DNAH3: variants seen among roughly 807,000 people sequenced by gnomAD.
The protein encoded by DNAH3 is axonemal beta dynein heavy chain 3.
Under a neutral mutation model 432.5 loss-of-function variants are expected in DNAH3, and 332 were observed. That is an observed-to-expected ratio of 0.77 (90% confidence interval 0.70 to 0.84). The LOEUF (loss-of-function observed/expected upper bound fraction) is 0.84, where lower values mean the gene tolerates loss of function less well. DNAH3 is among the 40% of genes least tolerant of loss of function. DNAH3 has a pLI of 0.00. For synonymous variants in DNAH3, 1,956 were observed against 1,900.2 expected, an observed-to-expected ratio of 1.03 and a Z score of -0.76; for missense variants, 4,861 against 5,114.0, an observed-to-expected ratio of 0.95 and a Z score of 1.51.
intron 1 of DNAH3, among the ~76,000 whole-genome samples, chr16:21,157,959 T>G (rs2092910883): frequency 6.6e-6 from 1 of 151,810 alleles, no homozygotes; most frequent in Admixed American, 6.6e-5. Flanking sequence ...GGGTAGAGGC[T>G]AGGATATTGC....
chr16:21,048,734 C>T (rs1428626928), intron 31 of DNAH3, among the ~76,000 whole-genome samples: 1 of 151,766 alleles, frequency 6.6e-6, no homozygotes, highest in Admixed American at 6.6e-5. Flanking sequence ...GAGTTTCACT[C>T]CCAGCCTGGA....
intron 56 of DNAH3, among the ~76,000 whole-genome samples, chr16:20,948,926 C>A (rs1448963795): frequency 6.6e-6 from 1 of 152,084 alleles, no homozygotes; most frequent in Non-Finnish European, 1.5e-5. Context: ...CCCCCACAAC[C>A]CATGCCCATC....
exon 10 of DNAH3, chr16:21,122,037 T>G: frequency 6.2e-7 from 1 of 1,613,736 alleles, no homozygotes; most frequent in Non-Finnish European, 8.5e-7. Context: ...AAGACAATAA[T>G]GGGTTCACTG....
intron 17 of DNAH3, 28 bp from the exon 18 acceptor site, chr16:21,097,527 T>C (rs999939218): frequency 3.2e-5 from 52 of 1,609,708 alleles, no homozygotes; most frequent in Non-Finnish European, 4.2e-5. Context: ...ATGCTGTTTA[T>C]GGGATGGGTT....
chr16:21,116,819 C>T (rs1286253580), intron 12 of DNAH3, among the ~76,000 whole-genome samples: 1 of 152,162 alleles, frequency 6.6e-6, no homozygotes, highest in Non-Finnish European at 1.5e-5. Context: ...ATAGGTTTCC[C>T]TGCAGAAATA....
rs760891750 is a variant in DNAH3 at position 20,965,396 on chromosome 16, A to T, written c.8488T>A (p.Ser2830Thr). The T allele has an allele frequency of 9.1e-6, 14 of 1,531,166 alleles. No individual in the cohort carries two copies. The South Asian group carries it at 1.8e-4, about 20-fold the overall frequency. The allele number at this position is 1,531,166 out of a possible 1,614,324, so 94.8% of individuals were successfully genotyped here. A position where few individuals can be genotyped will look rare whatever the true frequency, so the allele number is the denominator to read the frequency against. Residue 2830 changes from serine to threonine, a missense_variant, in exon 53 of 62, where the codon TCC becomes ACC. Physicochemically the swap from Ser to Thr is moderately conservative, Grantham distance 58 (BLOSUM62 1). Coordinates refer to ENST00000261383, the Ensembl canonical transcript of DNAH3. The stretch of plus-strand genomic sequence containing the variant: ...TTCAGATCCCCAAGAATCTTTTTGG[A>T]TACCCCCCAGTAATCTTCTATCATC...
Position 20,975,295 on chromosome 16 carries a change from G to T in DNAH3, c.8197C>A (p.Leu2733Ile), listed in dbSNP as rs373636542. The T allele has an allele frequency of 5.0e-6, 8 of 1,613,994 alleles. No homozygotes were observed. Among genetic ancestry groups the T allele is most frequent in the Admixed American group, 1.7e-5 (1 of 59,988 alleles). The change falls in exon 51 of 62, where the codon CTT (leucine) becomes ATT (isoleucine). Residue 2733 changes from leucine to isoleucine, a missense_variant. Leu to Ile is a conservative substitution (Grantham distance 5). Transcript: ENST00000261383. ...TCTTTTTCATCTGCCTGCACCAGAA[G>T]TTTCTTTCCATCAGCTTCTCTCGTC... is the stretch of plus-strand genomic sequence containing the variant.
At chr16:20,989,905 G>A (rs1418845983) in intron 44 of DNAH3, among the ~76,000 whole-genome samples, 2 of 152,184 alleles carry the variant, frequency 1.3e-5, no homozygotes, top group African/African-American at 4.8e-5. Flanking sequence ...CTCATTGCCC[G>A]GGGCCGGCAG....
Position 21,042,213 on chromosome 16 carries a change from G to C in DNAH3, c.4462-10C>G. 4 of 1,583,514 alleles carry C rather than the reference G, an allele frequency of 2.5e-6. No homozygotes were observed. Among genetic ancestry groups the C allele is most frequent in the Non-Finnish European group, 2.6e-6 (3 of 1,165,512 alleles). On this transcript the variant is annotated splice_polypyrimidine_tract_variant and intron_variant, in intron 31 of 61. Transcript: ENST00000261383. ...CAGACAGCACTTCTACCTGGGGTGA[G>C]AATGCCCGGCTGATAAGAGCATCTG...
intron 31 of DNAH3, among the ~76,000 whole-genome samples, chr16:21,047,321 C>T (rs1311626941): frequency 4.1e-5 from 6 of 147,574 alleles, no homozygotes; most frequent in Non-Finnish European, 7.5e-5. Context: ...ACCAATCAGA[C>T]GTAGATTTGG....
At chr16:21,083,933 AG>A (rs774823346) in intron 19 of DNAH3, among the ~76,000 whole-genome samples, 7 of 151,982 alleles carry the variant, frequency 4.6e-5, no homozygotes, top group Non-Finnish European at 2.9e-5. Flanking sequence ...GCTTCCATTT[AG>A]GGGCTCACTC....
Position 20,935,417 on chromosome 16 carries a change from C to CA in DNAH3, c.11927dup (p.Leu3976PhefsTer17). On this transcript the variant is annotated frameshift_variant, in exon 61 of 62. Transcript: ENST00000261383. LOFTEE classifies it high-confidence loss of function. ...GGGCATAATTTTGAGAGACGCCAGT[C>CA]AAAAAAGACTGTGTGAAGTAGAATC... is the stretch of plus-strand genomic sequence containing the variant. 6.2e-7 allele frequency: 1 copy of CA among 1,611,758 alleles called. No individual in the cohort carries two copies. Among genetic ancestry groups the CA allele is most frequent in the Non-Finnish European group, 8.5e-7 (1 of 1,179,416 alleles).
chr16:21,067,757 T>TGGGG (rs35833656), intron 23 of DNAH3, among the ~76,000 whole-genome samples: 3 of 29,794 alleles, frequency 1.0e-4, no homozygotes, highest in Non-Finnish European at 1.7e-4. Flanking sequence ...AAGCCAGTCT[T>TGGGG]GGGGGGGGGG....
intron 57 of DNAH3, among the ~76,000 whole-genome samples, chr16:20,946,573 G>A (rs779196197): frequency 2.6e-5 from 4 of 152,148 alleles, no homozygotes; most frequent in South Asian, 2.1e-4. Flanking sequence ...TTCATCCACA[G>A]AAGGAATCAG....
chr16:20,952,128 G>A (rs11865274), intron 56 of DNAH3, among the ~76,000 whole-genome samples: 3,131 of 151,906 alleles, frequency 0.021, 121 homozygotes, highest in African/African-American at 0.072. Context: ...TCCACCTGCC[G>A]TGGCCTTCCA....
intron 41 of DNAH3, among the ~76,000 whole-genome samples, chr16:21,015,877 C>G (rs1283182301): frequency 6.6e-6 from 1 of 152,080 alleles, no homozygotes; most frequent in Non-Finnish European, 1.5e-5. Flanking sequence ...CAACCTCTGC[C>G]TCCCAGGTTC....
At chr16:21,040,927 C>A (rs953208294) in intron 32 of DNAH3, among the ~76,000 whole-genome samples, 2 of 152,166 alleles carry the variant, frequency 1.3e-5, no homozygotes, top group Non-Finnish European at 2.9e-5. Flanking sequence ...CCAGTTAGAG[C>A]TAGAGCCAGG....
At chr16:21,140,819 C>A in intron 4 of DNAH3, 109 bp from the exon 6 acceptor site, 1 of 954,884 alleles carries the variant, frequency 1.0e-6, no homozygotes, top group East Asian at 2.5e-5. Flanking sequence ...ATAGAAGCCT[C>A]TCTCCTCTGT....
chr16:21,051,426 C>A (rs373581884), intron 29 of DNAH3, among the ~76,000 whole-genome samples: 1 of 152,196 alleles, frequency 6.6e-6, no homozygotes, highest in Non-Finnish European at 1.5e-5. Flanking sequence ...GTCATGTTCA[C>A]GGATGTGCAC....
Sources: allele counts gnomAD v4.1 joint callset (sites outside exome capture counted in the v4.1 genomes callset), GRCh38; gene constraint gnomAD v4.1.1; transcripts MANE v1.5; gene names NCBI Gene and HGNC (gene_info 2026-07-23, HGNC 2026-07-21).